The following FAM135A variants were observed in gnomAD, a reference collection of about 807,000 sequenced individuals.
FAM135A encodes protein FAM135A.
In FAM135A, 79 loss-of-function variants were observed where a neutral mutation model predicts 146.8. The ratio of observed to expected loss-of-function variants is 0.54; its 90% CI spans 0.45 to 0.65. The LOEUF (loss-of-function observed/expected upper bound fraction) is 0.65. Ranked by LOEUF, FAM135A falls within the 30% of genes least tolerant of loss-of-function variation. The pLI, the probability that FAM135A is intolerant of heterozygous loss-of-function variation, is 0.00. For missense variants in FAM135A, 1,623 were observed against 1,758.2 expected (o/e 0.92, Z 1.38); for synonymous variants, 562 against 603.6 (o/e 0.93, Z 1.01).
chr6:70,508,496 G>A (rs1228423961), intron 12 of FAM135A, among the ~76,000 whole-genome samples: 1 of 152,072 alleles, frequency 6.6e-6, no homozygotes, highest in African/African-American at 2.4e-5. Flanking sequence ...AATATTGATT[G>A]TAACTTGTGT....
Position 70,528,408 on chromosome 6 carries a change from C to A in FAM135A, c.3731C>A (p.Ser1244Tyr). Reference sequence around the variant, plus strand: ...TTTAGTGTAGAAGAAGAGGATGGTTCTGAAGATGGAGTACATCTGATTGTC... The same window carrying A: ...TTTAGTGTAGAAGAAGAGGATGGTTATGAAGATGGAGTACATCTGATTGTC... Reference protein sequence around the residue: ...PYFSVEEEDGSEDGVHLIVCV... With the variant: ...PYFSVEEEDGYEDGVHLIVCV... The change falls in exon 16 of 22, where the codon TCT becomes TAT. Residue 1244 changes from serine (S) to tyrosine (Y), a missense_variant. Physicochemically the swap from Ser to Tyr is moderately radical, Grantham distance 144. Around this residue, in one of 7 missense-constraint regions of FAM135A, gnomAD observed 1,061 missense variants for 1,113.8 expected, o/e 0.95. Transcript: ENST00000418814. The A allele has an allele frequency of 6.2e-7, 1 of 1,613,188 alleles. No homozygotes were observed. The highest frequency in any genetic ancestry group is 1.3e-5 in the African/African-American group (1 of 75,020).
At chr6:70,440,299 T>G (rs1210577109) in intron 4 of FAM135A, among the ~76,000 whole-genome samples, 1 of 152,226 alleles carries the variant, frequency 6.6e-6, no homozygotes, top group African/African-American at 2.4e-5. Context: ...TATATCAACC[T>G]AATGGACCCA....
chr6:70,523,118 A>G (rs912200542), intron 13 of FAM135A, among the ~76,000 whole-genome samples: 1 of 150,462 alleles, frequency 6.6e-6, no homozygotes, highest in African/African-American at 2.5e-5. Flanking sequence ...TGAATACTGT[A>G]TGATTCTACT....
At position 70,508,069 on chromosome 6, in the gene FAM135A, T is replaced by C. The variant is rs1259341227; in HGVS notation, c.1029+5278T>C. On this transcript the variant is annotated intron_variant, in intron 12 of 21. Transcript: ENST00000418814. The stretch of plus-strand genomic sequence containing the variant: ...TTCCTTGAGCCTAGATTTCCACAGC[T>C]CAACATAAAAAAGGCGAGGTTCATA... Among the ~76,000 whole-genome samples the C allele has an allele frequency of 2.0e-5, 3 of 152,072 alleles. No homozygotes were observed. The East Asian group carries it at 5.8e-4, about 29-fold the overall frequency.
At position 70,525,282 on chromosome 6, in the gene FAM135A, G is replaced by T. The variant is rs143752744; in HGVS notation, c.2198G>T (p.Arg733Leu). Residue 733 changes from arginine to leucine, a missense_variant, in exon 15 of 22, where the codon CGA becomes CTA. Arg to Leu is a moderately radical substitution (Grantham distance 102, BLOSUM62 -2). Coordinates refer to ENST00000418814, the MANE Select transcript of FAM135A (RefSeq NM_001162529.3). ...LSIGESLTKLRSNLPAPSTKE... is the reference protein window; with the variant it reads ...LSIGESLTKLLSNLPAPSTKE... The stretch of plus-strand genomic sequence containing the variant: ...ATTGGAGAATCATTAACTAAATTAC[G>T]AAGTAATCTACCTGCCCCTTCTACA... 1 of 1,600,542 alleles carries T rather than the reference G, an allele frequency of 6.2e-7. No homozygotes were observed. The highest frequency in any genetic ancestry group is 2.2e-5 in the East Asian group (1 of 44,764).
Position 70,528,216 on chromosome 6 carries a change from A to G in FAM135A, c.3615-76A>G, listed in dbSNP as rs930715696. 2.9e-6 allele frequency: 4 copies of G among 1,398,954 alleles called. No individual in the cohort carries two copies. The African/African-American group carries it at 4.3e-5, about 15-fold the overall frequency. The allele number at this position is 1,398,954 out of a possible 1,614,324, so 86.7% of individuals were successfully genotyped here. A position where few individuals can be genotyped will look rare whatever the true frequency, so the allele number is the denominator to read the frequency against. ...AATATTGTTGGGTTTCCACTTCTAC[A>G]ATTCTCTAAATTCAGGAGGGTTCTA... On this transcript the variant is annotated intron_variant, in intron 15 of 21. Transcript: ENST00000418814.
chr6:70,526,471 A>G lies in FAM135A; in HGVS notation c.3387A>G (p.Lys1129=). The G allele has an allele frequency of 6.2e-7, 1 of 1,613,484 alleles. No homozygotes were observed. The highest frequency in any genetic ancestry group is 8.5e-7 in the Non-Finnish European group (1 of 1,179,656). Residue 1129 remains lysine (K), a synonymous_variant, in exon 15 of 22, where the codon AAA becomes AAG. Coordinates refer to ENST00000418814, the MANE Select transcript of FAM135A (RefSeq NM_001162529.3). ...RDELMEERLT[K]SEKINSDYLR... ...AACTAATGGAAGAAAGACTTACAAAATCTGAAAAAATAAACAGTGACTATC... is the reference window on the plus strand; with the variant it reads ...AACTAATGGAAGAAAGACTTACAAAGTCTGAAAAAATAAACAGTGACTATC...
chr6:70,468,127 A>G (rs1259179878), intron 5 of FAM135A, among the ~76,000 whole-genome samples: 3 of 152,176 alleles, frequency 2.0e-5, no homozygotes, highest in Non-Finnish European at 4.4e-5. Flanking sequence ...CCATGTCAAG[A>G]ACTGTGAAGA....
chr6:70,501,315 A>G (rs554794326), intron 11 of FAM135A, among the ~76,000 whole-genome samples: 1 of 152,194 alleles, frequency 6.6e-6, no homozygotes, highest in South Asian at 2.1e-4. Context: ...CCACCTACTA[A>G]AGCCTCAGTA....
At chr6:70,478,921 AGT>A (rs1311727197) in intron 8 of FAM135A, among the ~76,000 whole-genome samples, 2 of 152,108 alleles carry the variant, frequency 1.3e-5, no homozygotes, top group Admixed American at 6.6e-5. Flanking sequence ...TTTCTAACAA[AGT>A]GTGTTTTTTG....
intron 12 of FAM135A, among the ~76,000 whole-genome samples, chr6:70,508,535 A>G (rs1428877414): frequency 6.6e-6 from 1 of 152,110 alleles, no homozygotes; most frequent in Non-Finnish European, 1.5e-5. Context: ...TATTAGGGAG[A>G]TAATATATTC....
At chr6:70,462,110 G>C (rs1779554909) in intron 5 of FAM135A, among the ~76,000 whole-genome samples, 1 of 152,194 alleles carries the variant, frequency 6.6e-6, no homozygotes, top group African/African-American at 2.4e-5. Flanking sequence ...AATTTCCTTA[G>C]TTTTCAAGAA....
At chr6:70,539,880 C>A (rs1288170948) in intron 20 of FAM135A, among the ~76,000 whole-genome samples, 2 of 152,116 alleles carry the variant, frequency 1.3e-5, no homozygotes, top group Non-Finnish European at 2.9e-5. Flanking sequence ...CCTGTAGTCC[C>A]AGCTACTCGG....
intron 5 of FAM135A, among the ~76,000 whole-genome samples, chr6:70,460,840 ATAGC>A (rs1779281102): frequency 6.7e-6 from 1 of 149,558 alleles, no homozygotes; most frequent in African/African-American, 2.5e-5. Context: ...AGATAGATAG[ATAGC>A]TATCTTTTTT....
rs757820683 is a variant in FAM135A, at chr6:70,559,710, C to G, written c.4343-6C>G. The G allele has an allele frequency of 3.1e-6, 5 of 1,606,664 alleles. No homozygotes were observed. Among genetic ancestry groups the G allele is most frequent in the Non-Finnish European group, 4.3e-6 (5 of 1,175,972 alleles). On this transcript the variant is annotated splice_region_variant and splice_polypyrimidine_tract_variant and intron_variant, in intron 21 of 21. Transcript: ENST00000418814. Reference sequence around the variant, plus strand: ...CTAATTTTCCTTTTTTCTGTTGGTTCCATAGGACAGATCTATTCAGAAATG... The same window carrying G: ...CTAATTTTCCTTTTTTCTGTTGGTTGCATAGGACAGATCTATTCAGAAATG...
At chr6:70,422,872 G>A (rs1769183117) in intron 2 of FAM135A, among the ~76,000 whole-genome samples, 1 of 152,180 alleles carries the variant, frequency 6.6e-6, no homozygotes, top group African/African-American at 2.4e-5. Flanking sequence ...TGCCTTCGTG[G>A]AACTTTCATT....
chr6:70,414,283 C>T (rs1240356148), intron 1 of FAM135A, among the ~76,000 whole-genome samples: 2 of 152,196 alleles, frequency 1.3e-5, no homozygotes, highest in African/African-American at 4.8e-5. Flanking sequence ...TTCGGTACTT[C>T]CTCCTGGTTC....
At chr6:70,446,218 A>G (rs945540812) in intron 4 of FAM135A, among the ~76,000 whole-genome samples, 2 of 152,134 alleles carry the variant, frequency 1.3e-5, no homozygotes, top group Non-Finnish European at 2.9e-5. Flanking sequence ...CCAAATTTTG[A>G]TCTTATTAAG....
intron 5 of FAM135A, 42 bp downstream of exon 5, chr6:70,452,613 T>A: frequency 2.1e-6 from 3 of 1,444,506 alleles, no homozygotes; most frequent in Non-Finnish European, 2.8e-6. Flanking sequence ...GTAATCTGAA[T>A]GGTCAATAAC....
Sources: allele counts gnomAD v4.1 joint callset (sites outside exome capture counted in the v4.1 genomes callset), GRCh38; gene constraint gnomAD v4.1.1; regional missense constraint gnomAD v4.1.1; transcripts MANE v1.5; gene names NCBI Gene and HGNC (gene_info 2026-07-23, HGNC 2026-07-21).